Variants in SEMA3E observed in about 807,000 individuals in gnomAD.
SEMA3E encodes semaphorin 3E, also known as semaphorin-3E.
In SEMA3E, 49 loss-of-function variants were observed where a neutral mutation model predicts 93.6. The observed-to-expected ratio is 0.52, with a 90% CI of 0.42 to 0.66. SEMA3E has a LOEUF of 0.66. SEMA3E is among the 30% of genes least tolerant of loss of function. The pLI is 0.00. For missense variants in SEMA3E, 906 were observed against 964.8 expected, an observed-to-expected ratio of 0.94 and a Z score of 0.81; for synonymous variants, 363 against 330.7, an observed-to-expected ratio of 1.10 and a Z score of -1.06.
intron 1 of SEMA3E, among the ~76,000 whole-genome samples, chr7:83,511,524 T>C (rs1790818812): frequency 6.6e-6 from 1 of 152,072 alleles, no homozygotes; most frequent in African/African-American, 2.4e-5. Flanking sequence ...AGCAATCAAA[T>C]CTCCATTCAG....
chr7:83,536,537 A>G (rs376948680), intron 1 of SEMA3E, among the ~76,000 whole-genome samples: 73 of 152,260 alleles, frequency 4.8e-4, no homozygotes, highest in African/African-American at 1.7e-3. Flanking sequence ...AAGCAAAACA[A>G]GTAAAACAAT....
chr7:83,401,393 A>G (rs182633904), intron 10 of SEMA3E, among the ~76,000 whole-genome samples: 4 of 152,220 alleles, frequency 2.6e-5, no homozygotes, highest in Non-Finnish European at 5.9e-5. Context: ...AAATCAGACC[A>G]TATTTCCTAA....
intron 2 of SEMA3E, among the ~76,000 whole-genome samples, chr7:83,473,373 T>C (rs1333877046): frequency 6.6e-6 from 1 of 152,204 alleles, no homozygotes; most frequent in Non-Finnish European, 1.5e-5. Flanking sequence ...CAGACTCTTC[T>C]CCTGTCTACA....
rs71522671 is a variant in SEMA3E at position 83,600,486 on chromosome 7, A to ATT, written c.115+47940_115+47941dup. Among the ~76,000 whole-genome samples the ATT allele has an allele frequency of 6.4e-3, 401 of 63,018 alleles. 18 individuals carry two copies. Among genetic ancestry groups the ATT allele is most frequent in the East Asian group, 9.9e-3 (22 of 2,212 alleles). The allele number at this position is 63,018 out of a possible 152,430, so 41.3% of individuals were successfully genotyped here. A position where few individuals can be genotyped will look rare whatever the true frequency, so the allele number is the denominator to read the frequency against. ...AGGCGCCCGCCACCACGCCCAGCTA[A>ATT]TTTTTTTTTTTTTTTTTTTTTTTTT... is the stretch of plus-strand genomic sequence containing the variant. On this transcript the variant is annotated intron_variant, in intron 1 of 16. Coordinates refer to ENST00000643230, the MANE Select transcript of SEMA3E (RefSeq NM_012431.3).
At chr7:83,443,734 TAA>T (rs747339332) in intron 4 of SEMA3E, among the ~76,000 whole-genome samples, 1 of 152,022 alleles carries the variant, frequency 6.6e-6, no homozygotes, top group South Asian at 2.1e-4. Context: ...AAAAAAAATT[TAA>T]AGAGTATTCA....
intron 1 of SEMA3E, among the ~76,000 whole-genome samples, chr7:83,554,329 T>C (rs1366739650): frequency 6.6e-6 from 1 of 152,178 alleles, no homozygotes; most frequent in East Asian, 1.9e-4. Flanking sequence ...CTTCAAATAG[T>C]AAGCAATGGA....
At chr7:83,417,014 CAGGGAG>C (rs199756439) in intron 5 of SEMA3E, among the ~76,000 whole-genome samples, 117 of 45,326 alleles carry the variant, frequency 2.6e-3, no homozygotes, top group East Asian at 0.017. Flanking sequence ...CACACACACA[CAGGGAG>C]AGAGAGAGAG....
At chr7:83,597,914 G>T in intron 1 of SEMA3E, among the ~76,000 whole-genome samples, 1 of 152,090 alleles carries the variant, frequency 6.6e-6, no homozygotes, top group East Asian at 1.9e-4. Context: ...AGGTATACAA[G>T]AATGTATATA....
intron 1 of SEMA3E, among the ~76,000 whole-genome samples, chr7:83,580,868 CA>C (rs1311068408): frequency 2.6e-5 from 4 of 151,572 alleles, no homozygotes; most frequent in Admixed American, 2.6e-4. Context: ...ATACAGTTAC[CA>C]AAAAATTTAT....
At chr7:83,527,598 T>G (rs1475400854) in intron 1 of SEMA3E, among the ~76,000 whole-genome samples, 1 of 152,174 alleles carries the variant, frequency 6.6e-6, no homozygotes, top group Non-Finnish European at 1.5e-5. Context: ...CAAAGATATT[T>G]ATACTTAAAC....
At chr7:83,638,839 C>T (rs1051310695) in intron 1 of SEMA3E, among the ~76,000 whole-genome samples, 3 of 151,948 alleles carry the variant, frequency 2.0e-5, no homozygotes, top group African/African-American at 7.3e-5. Flanking sequence ...TGGCCGGGCG[C>T]GGTGGCTCAC....
chr7:83,377,712 T>C (rs1787680060), intron 16 of SEMA3E, among the ~76,000 whole-genome samples: 1 of 152,016 alleles, frequency 6.6e-6, no homozygotes, highest in Non-Finnish European at 1.5e-5. Flanking sequence ...CTGAGCAGCT[T>C]GAAGAAGCCA....
In SEMA3E at chr7:83,444,619, A is replaced by G. The variant is rs563908963; in HGVS notation, c.456+21863T>C. Among the ~76,000 whole-genome samples, 15 of 152,270 alleles carry G rather than the reference A, an allele frequency of 9.9e-5. No homozygotes were observed. In the South Asian group the frequency reaches 2.7e-3, roughly 27 times the overall value. ...AATGTTGGAAAACACGGACCAAGAAAAGAATTCCTGCAATCATCAACATTT... is the reference window on the plus strand; with the variant it reads ...AATGTTGGAAAACACGGACCAAGAAGAGAATTCCTGCAATCATCAACATTT... On this transcript the variant is annotated intron_variant, in intron 4 of 16. Coordinates refer to ENST00000643230, the MANE Select transcript of SEMA3E (RefSeq NM_012431.3).
intron 1 of SEMA3E, among the ~76,000 whole-genome samples, chr7:83,643,031 A>G (rs1425306242): frequency 6.6e-6 from 1 of 152,104 alleles, no homozygotes; most frequent in African/African-American, 2.4e-5. Flanking sequence ...AGAAGTCTCA[A>G]TGATGATTCC....
intron 4 of SEMA3E, among the ~76,000 whole-genome samples, 187 bp downstream of exon 4, chr7:83,466,295 T>G (rs1789754264): frequency 6.6e-6 from 1 of 152,184 alleles, no homozygotes; most frequent in Non-Finnish European, 1.5e-5. Flanking sequence ...AATTAATTGG[T>G]TCACAGATTT....
In SEMA3E at chr7:83,486,412, G is replaced by C. The variant is rs189404499; in HGVS notation, c.276+3702C>G. On this transcript the variant is annotated intron_variant, in intron 2 of 16. Coordinates refer to ENST00000643230, the MANE Select transcript of SEMA3E (RefSeq NM_012431.3). The stretch of plus-strand genomic sequence containing the variant: ...AGCTCAGAGATAGAGAAAGCACAAC[G>C]GGAGAGATTTAAAAAAAATGTTATA... Among the ~76,000 whole-genome samples, 389 of 152,164 alleles carry C rather than the reference G, an allele frequency of 2.6e-3. 1 individual carries two copies. Among genetic ancestry groups the C allele is most frequent in the Admixed American group, 5.6e-3 (85 of 15,264 alleles).
intron 16 of SEMA3E, among the ~76,000 whole-genome samples, chr7:83,377,785 A>G (rs914663762): frequency 6.6e-6 from 1 of 152,038 alleles, no homozygotes; most frequent in Admixed American, 6.6e-5. Flanking sequence ...ATTTAAATAA[A>G]TAATGCATAT....
intron 2 of SEMA3E, among the ~76,000 whole-genome samples, chr7:83,486,327 C>T (rs183897323): frequency 1.1e-3 from 172 of 152,256 alleles, no homozygotes; most frequent in Non-Finnish European, 8.8e-4. Flanking sequence ...CTGCAATGAA[C>T]ATGGCACTCC....
At chr7:83,454,272 A>AAAAAAAAATAT (rs1257792756) in intron 4 of SEMA3E, among the ~76,000 whole-genome samples, 8 of 110,132 alleles carry the variant, frequency 7.3e-5, no homozygotes, top group African/African-American at 2.6e-4. Context: ...AAAAAAAAAA[A>AAAAAAAAATAT]ATATATATAT....
Sources: gnomAD v4.1 joint callset for allele counts (sites outside exome capture counted in the v4.1 genomes callset) on GRCh38, gnomAD v4.1.1 for gene constraint, MANE v1.5 for transcripts, NCBI Gene and HGNC (gene_info 2026-07-23, HGNC 2026-07-21) for gene names.